Variants in BMP5 observed in about 807,000 individuals in gnomAD.
BMP5 encodes the protein bone morphogenetic protein 5.
In BMP5, 23 loss-of-function variants were observed where a neutral mutation model predicts 46.6. That is an observed-to-expected ratio of 0.49 (90% confidence interval 0.35 to 0.70). The LOEUF (loss-of-function observed/expected upper bound fraction) is 0.70, where lower values mean the gene tolerates loss of function less well. Among genes scored for constraint, BMP5 ranks in the 30% least tolerant of loss-of-function variants. The pLI is 0.00. For missense variants in BMP5, 545 were observed against 565.6 expected (o/e 0.96, Z 0.37); for synonymous variants, 204 against 191.9 (o/e 1.06, Z -0.52).
chr6:55,823,364 T>C (rs538427914), intron 1 of BMP5, among the ~76,000 whole-genome samples: 1 of 152,086 alleles, frequency 6.6e-6, no homozygotes, highest in Non-Finnish European at 1.5e-5. Flanking sequence ...TAAATATTAA[T>C]TGAATGAAAA....
At chr6:55,850,087 AC>A (rs1777192199) in intron 1 of BMP5, among the ~76,000 whole-genome samples, 2 of 152,090 alleles carry the variant, frequency 1.3e-5, no homozygotes, top group Non-Finnish European at 2.9e-5. Context: ...CTAATACATC[AC>A]CTTTCCTTGA....
At chr6:55,835,987 C>T (rs78903005) in intron 1 of BMP5, among the ~76,000 whole-genome samples, 5,148 of 152,118 alleles carry the variant, frequency 0.034, 293 homozygotes, top group African/African-American at 0.12. Context: ...TAACACAATA[C>T]GGTATTTTCT....
Position 55,753,972 on chromosome 6 carries a change from T to C in BMP5, c.*1561A>G, listed in dbSNP as rs1774516993. On this transcript the variant is annotated 3_prime_UTR_variant, in exon 7 of 7. Transcript: ENST00000370830. ...ACACCATTAATTAAAAATATATTAC[T>C]TAATGTACCCCTTAATATAGTTACT... 2 of 151,980 alleles carry C rather than the reference T, an allele frequency of 1.3e-5. No individual in the cohort carries two copies. Among genetic ancestry groups the C allele is most frequent in the African/African-American group, 4.8e-5 (2 of 41,420 alleles). The allele number at this position is 151,980 out of a possible 1,614,324, so 9.4% of individuals were successfully genotyped here.
At chr6:55,864,097 A>G (rs1360021869) in intron 1 of BMP5, among the ~76,000 whole-genome samples, 2 of 152,234 alleles carry the variant, frequency 1.3e-5, no homozygotes, top group African/African-American at 2.4e-5. Flanking sequence ...AAATTACTGA[A>G]GAATGATAAC....
rs775181683 is a variant in BMP5 at position 55,874,487 on chromosome 6, T to C, written c.379A>G (p.Ile127Val). ...PASPNGYPRRIQLSRTTPLTT... is the reference protein window; with the variant it reads ...PASPNGYPRRVQLSRTTPLTT... ...AGAGGAGTCGTCCGAGATAACTGTA[T>C]GCGACGAGGATACCCATTGGGAGAG... Residue 127 changes from isoleucine (I) to valine (V), a missense_variant, in exon 1 of 7, where the codon ATA (isoleucine) becomes GTA (valine). Ile to Val is a conservative substitution (Grantham distance 29). Coordinates refer to ENST00000370830, the MANE Select transcript of BMP5 (RefSeq NM_021073.4). The C allele has an allele frequency of 3.1e-6, 5 of 1,613,442 alleles. No homozygotes were observed. Among genetic ancestry groups the C allele is most frequent in the Non-Finnish European group, 4.2e-6 (5 of 1,179,646 alleles).
At chr6:55,808,703 C>A (rs1776051268) in intron 2 of BMP5, among the ~76,000 whole-genome samples, 1 of 152,168 alleles carries the variant, frequency 6.6e-6, no homozygotes, top group Non-Finnish European at 1.5e-5. Flanking sequence ...CCTCCCTTGG[C>A]TGGGGGGTGG....
rs999604200 is a variant in BMP5, at chr6:55,875,063, G to A, written c.-198C>T. ...TTTTAAATATTTTGGAATATGTCAA[G>A]AGTAGTTATTTCTAAGAAAGCTGAA... On this transcript the variant is annotated 5_prime_UTR_variant, in exon 1 of 7. Coordinates refer to ENST00000370830, the MANE Select transcript of BMP5 (RefSeq NM_021073.4). 5 of 589,722 alleles carry A rather than the reference G, an allele frequency of 8.5e-6. No individual in the cohort carries two copies. The highest frequency in any genetic ancestry group is 3.3e-5 in the Admixed American group (1 of 30,396). 36.5% of individuals were successfully genotyped at this position (589,722 alleles called of 1,614,324 possible).
At chr6:55,794,141 G>C (rs1014246198) in intron 3 of BMP5, 138 bp downstream of exon 3, 7 of 857,002 alleles carry the variant, frequency 8.2e-6, no homozygotes, top group Non-Finnish European at 1.3e-5. Context: ...AACTAATATA[G>C]TTTTGCACTA....
intron 1 of BMP5, among the ~76,000 whole-genome samples, chr6:55,837,413 C>T (rs1776841717): frequency 1.3e-5 from 2 of 151,260 alleles, no homozygotes; most frequent in South Asian, 4.2e-4. Flanking sequence ...GGCAGACAGA[C>T]AGACAGATAG....
chr6:55,795,937 C>A (rs1775701752), intron 2 of BMP5, among the ~76,000 whole-genome samples: 3 of 152,122 alleles, frequency 2.0e-5, no homozygotes. Context: ...TTGTAGAACC[C>A]TTTATAGTCC....
intron 1 of BMP5, among the ~76,000 whole-genome samples, chr6:55,820,654 G>A (rs548327501): frequency 1.3e-5 from 2 of 152,172 alleles, no homozygotes; most frequent in East Asian, 3.9e-4. Flanking sequence ...CTGGGCTCAA[G>A]CAATCCTCCC....
At chr6:55,803,761 A>G (rs1775914350) in intron 2 of BMP5, among the ~76,000 whole-genome samples, 1 of 152,192 alleles carries the variant, frequency 6.6e-6, no homozygotes. Flanking sequence ...TTCATGGTGA[A>G]GCATACCAAT....
At chr6:55,789,110 T>C (rs1403934117) in intron 3 of BMP5, among the ~76,000 whole-genome samples, 1 of 151,874 alleles carries the variant, frequency 6.6e-6, no homozygotes, top group Non-Finnish European at 1.5e-5. Context: ...ATAATGTTTC[T>C]TGGACATTAA....
chr6:55,760,754 C>T (rs908988481), intron 4 of BMP5, among the ~76,000 whole-genome samples: 4 of 151,924 alleles, frequency 2.6e-5, no homozygotes, highest in Admixed American at 1.3e-4. Flanking sequence ...TACCATTTAC[C>T]TGATGAAGCT....
At chr6:55,760,576 A>C in intron 4 of BMP5, 43 bp from the exon 5 acceptor site, 4 of 1,515,518 alleles carry the variant, frequency 2.6e-6, no homozygotes, top group Non-Finnish European at 3.7e-6. Flanking sequence ...TTGCTTACAG[A>C]TATACTAATA....
chr6:55,777,431 A>G (rs188088609), intron 3 of BMP5, among the ~76,000 whole-genome samples: 1 of 152,126 alleles, frequency 6.6e-6, no homozygotes, highest in Admixed American at 6.6e-5. Flanking sequence ...ATCAACATGG[A>G]TTTAATTTTC....
At chr6:55,809,910 CTATTT>C (rs1476967480) in intron 2 of BMP5, among the ~76,000 whole-genome samples, 2 of 152,106 alleles carry the variant, frequency 1.3e-5, no homozygotes, top group Non-Finnish European at 2.9e-5. Flanking sequence ...ATTATTATAA[CTATTT>C]CACTTTCTTC....
At chr6:55,767,106 C>T (rs1208398057) in intron 4 of BMP5, among the ~76,000 whole-genome samples, 1 of 151,966 alleles carries the variant, frequency 6.6e-6, no homozygotes, top group Admixed American at 6.6e-5. Context: ...TAACAACAGA[C>T]ACAATGCCTT....
chr6:55,774,870 C>T (rs1023068730), intron 3 of BMP5, among the ~76,000 whole-genome samples: 2 of 151,932 alleles, frequency 1.3e-5, no homozygotes, highest in South Asian at 2.1e-4. Flanking sequence ...ACTGCAATTA[C>T]CTTTGCACCA....
Sources: allele counts gnomAD v4.1 joint callset (sites outside exome capture counted in the v4.1 genomes callset), GRCh38; gene constraint gnomAD v4.1.1; transcripts MANE v1.5; gene names NCBI Gene and HGNC (gene_info 2026-07-23, HGNC 2026-07-21).